PTPRD: variants seen among roughly 807,000 people sequenced by gnomAD.
PTPRD encodes protein tyrosine phosphatase receptor type D.
A neutral mutation model predicts 214.5 loss-of-function variants in PTPRD; 34 were observed. The ratio of observed to expected loss-of-function variants is 0.16; its 90% CI spans 0.12 to 0.21. The LOEUF is 0.21. PTPRD is among the 10% of genes least tolerant of loss of function. The probability of loss-of-function intolerance (pLI) is 1.00; values close to 1 mark genes in which losing one functional copy is unlikely to be tolerated. For missense variants in PTPRD, 2,545 were observed against 2,398.7 expected (o/e 1.06, Z -1.27); for synonymous variants, 1,128 against 845.7 (o/e 1.33, Z -5.79).
chr9:9,872,063 G>A (rs920369682), intron 5 of PTPRD, among the ~76,000 whole-genome samples: 2 of 152,028 alleles, frequency 1.3e-5, no homozygotes, highest in African/African-American at 4.8e-5. Context: ...TCTGTGGTGG[G>A]GTCATGATGG....
chr9:9,957,538 A>G (rs1247861845), intron 4 of PTPRD, among the ~76,000 whole-genome samples: 3 of 152,190 alleles, frequency 2.0e-5, no homozygotes, highest in Non-Finnish European at 2.9e-5. Context: ...GAAAGCAGAA[A>G]GAATACTTTC....
At chr9:10,153,208 T>C (rs568647109) in intron 3 of PTPRD, among the ~76,000 whole-genome samples, 1 of 152,140 alleles carries the variant, frequency 6.6e-6, no homozygotes, top group African/African-American at 2.4e-5. Context: ...GTGATAGATA[T>C]GTTAATTTGA....
intron 4 of PTPRD, among the ~76,000 whole-genome samples, chr9:10,007,224 C>T (rs2096497371): frequency 6.6e-6 from 1 of 151,904 alleles, no homozygotes; most frequent in Admixed American, 6.6e-5. Context: ...CACTGTCAAG[C>T]ACATCATTTT....
intron 5 of PTPRD, among the ~76,000 whole-genome samples, chr9:9,824,960 A>G (rs1403560319): frequency 6.6e-6 from 1 of 151,980 alleles, no homozygotes; most frequent in African/African-American, 2.4e-5. Flanking sequence ...TTGAATCCTC[A>G]CTGGTACTTA....
intron 7 of PTPRD, among the ~76,000 whole-genome samples, chr9:9,677,666 G>T (rs1352344093): frequency 6.6e-6 from 1 of 151,956 alleles, no homozygotes; most frequent in Non-Finnish European, 1.5e-5. Context: ...CACAAGACAG[G>T]GATGCCCTCT....
At chr9:9,125,826 T>C (rs959697970) in intron 10 of PTPRD, among the ~76,000 whole-genome samples, 1 of 152,116 alleles carries the variant, frequency 6.6e-6, no homozygotes, top group African/African-American at 2.4e-5. Flanking sequence ...AAGAGTATCA[T>C]CAAATAAAGA....
intron 31 of PTPRD, among the ~76,000 whole-genome samples, chr9:8,470,454 G>T (rs1177193214): frequency 6.6e-6 from 1 of 151,982 alleles, no homozygotes; most frequent in East Asian, 1.9e-4. Context: ...TCACAATTTT[G>T]TCATTTGTTT....
At chr9:8,466,514 C>T (rs774379603) in intron 31 of PTPRD, among the ~76,000 whole-genome samples, 10 of 151,796 alleles carry the variant, frequency 6.6e-5, no homozygotes, top group Non-Finnish European at 1.0e-4. Flanking sequence ...TCCTTCATTA[C>T]GAGAAAATCA....
intron 11 of PTPRD, among the ~76,000 whole-genome samples, chr9:8,752,639 A>G (rs569582211): frequency 5.9e-5 from 9 of 152,030 alleles, no homozygotes; most frequent in Non-Finnish European, 1.3e-4. Flanking sequence ...TAACACCACC[A>G]CCACACAAAC....
At chr9:9,141,453 A>C (rs1315840626) in intron 10 of PTPRD, among the ~76,000 whole-genome samples, 2 of 152,042 alleles carry the variant, frequency 1.3e-5, no homozygotes, top group Non-Finnish European at 1.5e-5. Flanking sequence ...CTTCTGTTTT[A>C]TAGACAACCT....
At chr9:8,948,516 TATTTA>T (rs2099083229) in intron 11 of PTPRD, among the ~76,000 whole-genome samples, 1 of 19,944 alleles carries the variant, frequency 5.0e-5, no homozygotes, top group African/African-American at 1.0e-4. Flanking sequence ...TATATATATA[TATTTA>T]TATATATATT....
intron 11 of PTPRD, among the ~76,000 whole-genome samples, chr9:8,790,990 T>C (rs752821622): frequency 5.3e-5 from 8 of 152,180 alleles, no homozygotes; most frequent in Non-Finnish European, 7.3e-5. Context: ...AAAGTGATAG[T>C]AGGCAGTGCT....
intron 2 of PTPRD, among the ~76,000 whole-genome samples, chr9:10,514,582 A>G (rs1380754398): frequency 1.3e-5 from 2 of 151,786 alleles, no homozygotes; most frequent in African/African-American, 4.8e-5. Context: ...TTTTTTCTGT[A>G]TTATTCATGG....
intron 3 of PTPRD, among the ~76,000 whole-genome samples, chr9:10,226,410 C>T (rs2099589096): frequency 6.6e-6 from 1 of 151,838 alleles, no homozygotes; most frequent in African/African-American, 2.4e-5. Context: ...TGACAACAGC[C>T]ACAGAAAGGT....
chr9:9,754,704 T>A (rs1454183945), intron 6 of PTPRD, among the ~76,000 whole-genome samples: 5 of 152,052 alleles, frequency 3.3e-5, no homozygotes, highest in Non-Finnish European at 5.9e-5. Context: ...TTCTTCTACT[T>A]GTTACAGGCA....
chr9:9,231,994 C>G (rs1368004399), intron 9 of PTPRD, among the ~76,000 whole-genome samples: 4 of 152,224 alleles, frequency 2.6e-5, no homozygotes, highest in African/African-American at 9.6e-5. Flanking sequence ...TGCATCTCCA[C>G]TTTTTGTAAT....
chr9:9,355,912 T>C (rs1209965483), intron 9 of PTPRD, among the ~76,000 whole-genome samples: 2 of 151,068 alleles, frequency 1.3e-5, no homozygotes, highest in African/African-American at 2.4e-5. Flanking sequence ...CAGACGCCAA[T>C]AGAAAAATGA....
chr9:10,562,140 T>C (rs898146586), intron 2 of PTPRD, among the ~76,000 whole-genome samples: 6 of 152,258 alleles, frequency 3.9e-5, no homozygotes, highest in Admixed American at 3.3e-4. Context: ...TCATCCTATA[T>C]GTGAGACATC....
chr9:9,399,291 G>T (rs999971766), intron 8 of PTPRD, among the ~76,000 whole-genome samples: 3 of 152,088 alleles, frequency 2.0e-5, no homozygotes, highest in Middle Eastern at 3.4e-3. Context: ...TAGGTTCTTT[G>T]TACCTAAGCA....
Sources: allele counts gnomAD v4.1 joint callset (sites outside exome capture counted in the v4.1 genomes callset), GRCh38; gene constraint gnomAD v4.1.1; transcripts MANE v1.5; gene names NCBI Gene and HGNC (gene_info 2026-07-23, HGNC 2026-07-21).